Variants in MACF1 observed in about 807,000 individuals in gnomAD.
MACF1 encodes microtubule-actin cross-linking factor 1.
In MACF1, 193 loss-of-function variants were observed where a neutral mutation model predicts 854.8. The ratio of observed to expected loss-of-function variants is 0.23; its 90% CI spans 0.20 to 0.25. The LOEUF (loss-of-function observed/expected upper bound fraction) is 0.25, where lower values mean the gene tolerates loss of function less well. MACF1 is among the 10% of genes least tolerant of loss of function. The pLI is 1.00. For missense variants in MACF1, 7,722 were observed against 8,929.1 expected, an observed-to-expected ratio of 0.86 and a Z score of 5.45; for synonymous variants, 3,185 against 3,226.7, an observed-to-expected ratio of 0.99 and a Z score of 0.44.
chr1:39,384,022 A>G (rs543342303), intron 56 of MACF1, among the ~76,000 whole-genome samples: 2 of 152,336 alleles, frequency 1.3e-5, no homozygotes, highest in South Asian at 4.1e-4. Flanking sequence ...CAGCGCAGAA[A>G]TTTTAAAAGG....
At chr1:39,093,482 ATTTTTTT>A (rs35211687) in intron 2 of MACF1, among the ~76,000 whole-genome samples, 5 of 104,268 alleles carry the variant, frequency 4.8e-5, no homozygotes, top group East Asian at 2.7e-4. Context: ...CGCCTGGCTA[ATTTTTTT>A]TTTTTTTTTT....
At chr1:39,463,335 A>C (rs1457886714) in intron 93 of MACF1, among the ~76,000 whole-genome samples, 5 of 152,066 alleles carry the variant, frequency 3.3e-5, no homozygotes, top group Non-Finnish European at 7.4e-5. Flanking sequence ...AAAAAAATAC[A>C]AAAAATTAGC....
At chr1:39,269,842 G>A (rs1038290785) in intron 6 of MACF1, 1 of 739,532 alleles carries the variant, frequency 1.4e-6, no homozygotes, top group African/African-American at 1.9e-5. Context: ...CCCCCATGTG[G>A]GTTAGTATCT....
chr1:39,441,362 G>T, intron 74 of MACF1, 37 bp downstream of exon 74: 1 of 1,547,764 alleles, frequency 6.5e-7, no homozygotes, highest in Non-Finnish European at 8.9e-7. Flanking sequence ...GGAAATACAG[G>T]TTCTGTTTTT....
chr1:39,387,193 G>A lies in MACF1; in HGVS notation c.14351G>A (p.Arg4784His), dbSNP rs536090074. The change falls in exon 58 of 101, where the codon CGC (arginine) becomes CAC (histidine). Residue 4784 changes from arginine (R) to histidine (H), a missense_variant. By Grantham distance (29) the Arg-to-His change is conservative (BLOSUM62 0). Transcript: ENST00000564288. ...TTTTATTTTCTCATTTCAGCCGATC[G>A]CATTAACAGACTCCAGGCAGCTCTT... ...LQGLEDLAAD[R>H]INRLQAALAS... is the part of the protein sequence containing the mutation. 9 of 1,610,940 alleles carry A rather than the reference G, an allele frequency of 5.6e-6. No homozygotes were observed. The highest frequency in any genetic ancestry group is 5.1e-5 in the Admixed American group (3 of 59,300).
chr1:39,186,214 C>CTG (rs200739487), intron 2 of MACF1, among the ~76,000 whole-genome samples: 18 of 57,944 alleles, frequency 3.1e-4, no homozygotes, highest in South Asian at 2.6e-3. Context: ...CTCTCTCTCT[C>CTG]TGTGTGTGTG....
intron 48 of MACF1, 70 bp downstream of exon 48, chr1:39,361,071 A>G: frequency 7.5e-7 from 1 of 1,326,208 alleles, no homozygotes; most frequent in Non-Finnish European, 1.1e-6. Context: ...ATAATGTTGA[A>G]AAAGTAACAA....
In MACF1 at chr1:39,428,170, T is replaced by C. The variant is rs1337697578; in HGVS notation, c.16686T>C (p.Phe5562=). The stretch of plus-strand genomic sequence containing the variant: ...AAGCTCTGTCTAATGCTAGGCTGTT[T>C]GGGGAGGATGAGGTGGAGGTGCTCA... ...LDQALSNARL[F]GEDEVEVLNW... Residue 5562 remains phenylalanine (F), a synonymous_variant, in exon 63 of 101, where the codon TTT becomes TTC. Transcript: ENST00000564288. 6.2e-7 allele frequency: 1 copy of C among 1,614,048 alleles called. No homozygotes were observed. Among genetic ancestry groups the C allele is most frequent in the East Asian group, 2.2e-5 (1 of 44,898 alleles).
At chr1:39,177,077 T>G (rs1644039025) in intron 2 of MACF1, among the ~76,000 whole-genome samples, 1 of 152,210 alleles carries the variant, frequency 6.6e-6, no homozygotes, top group African/African-American at 2.4e-5. Context: ...TAGAGCTACG[T>G]TGGGGCCTAA....
At chr1:39,231,760 G>C (rs985844045) in intron 2 of MACF1, among the ~76,000 whole-genome samples, 45 of 150,478 alleles carry the variant, frequency 3.0e-4, no homozygotes, top group Admixed American at 6.6e-4. Context: ...GCCCACTCTG[G>C]TATCAAACTC....
intron 2 of MACF1, among the ~76,000 whole-genome samples, chr1:39,089,338 G>A (rs1287551451): frequency 1.3e-5 from 2 of 151,486 alleles, no homozygotes; most frequent in Non-Finnish European, 2.9e-5. Flanking sequence ...ACTAAAAAAG[G>A]GGTTAAGCTA....
intron 49 of MACF1, among the ~76,000 whole-genome samples, chr1:39,362,595 A>C (rs541302540): frequency 6.6e-6 from 1 of 151,998 alleles, no homozygotes; most frequent in Non-Finnish European, 1.5e-5. Context: ...AGCCTCTTCA[A>C]GCTGTCTCCT....
At position 39,084,420 on chromosome 1, in the gene MACF1, G is replaced by T. The variant is rs1452126297; in HGVS notation, c.202G>T (p.Ala68Ser). Residue 68 changes from alanine (A) to serine (S), a missense_variant, in exon 2 of 94, where the codon GCT becomes TCT. Transcript: ENST00000361689. The surrounding 1 kb of genome is among the most constrained non-coding windows in gnomAD (Gnocchi z 5.2). ...TTCGGTGCTGGACCCTGCAGAGCGT[G>T]CTGTGGTCAGAGTCGCTGGTAAGAG... 1 of 1,610,286 alleles carries T rather than the reference G, an allele frequency of 6.2e-7. No homozygotes were observed. Among genetic ancestry groups the T allele is most frequent in the Admixed American group, 1.7e-5 (1 of 59,978 alleles).
intron 2 of MACF1, among the ~76,000 whole-genome samples, chr1:39,199,494 A>C (rs963260209): frequency 2.0e-5 from 3 of 152,034 alleles, no homozygotes; most frequent in African/African-American, 7.2e-5. Context: ...AAAAAAAGAC[A>C]GAAAAAGCTC....
intron 2 of MACF1, among the ~76,000 whole-genome samples, chr1:39,168,329 A>G (rs1379925180): frequency 2.0e-5 from 3 of 152,144 alleles, no homozygotes; most frequent in African/African-American, 7.2e-5. Context: ...AGAGTATTTC[A>G]TGGTTTTCCT....
At chr1:39,304,193 C>T (rs1323318121) in intron 23 of MACF1, 1 of 135,828 alleles carries the variant, frequency 7.4e-6, no homozygotes, top group Non-Finnish European at 1.5e-5. Context: ...TCCCCCCACC[C>T]CACAACAGGC....
At chr1:39,247,409 TTAAA>T (rs1255052474) in intron 2 of MACF1, among the ~76,000 whole-genome samples, 2 of 152,172 alleles carry the variant, frequency 1.3e-5, no homozygotes, top group Non-Finnish European at 2.9e-5. Flanking sequence ...AAACATACAA[TTAAA>T]TAAATTATAT....
At chr1:39,210,897 T>C (rs1356422915) in intron 1 of MACF1, among the ~76,000 whole-genome samples, 1 of 151,440 alleles carries the variant, frequency 6.6e-6, no homozygotes, top group East Asian at 1.9e-4. Flanking sequence ...TTGGTTGTTT[T>C]GACTTAGTTG....
chr1:39,421,948 G>A (rs966724123), intron 58 of MACF1, among the ~76,000 whole-genome samples: 5 of 152,016 alleles, frequency 3.3e-5, no homozygotes, highest in African/African-American at 7.2e-5. Flanking sequence ...GGTGGCGGGC[G>A]TCTGTAGTCC....
Sources: allele counts gnomAD v4.1 joint callset (sites outside exome capture counted in the v4.1 genomes callset), GRCh38; gene constraint gnomAD v4.1.1; non-coding constraint Gnocchi (gnomAD v3.1); transcripts MANE v1.5; gene names NCBI Gene and HGNC (gene_info 2026-07-23, HGNC 2026-07-21).